Variants in CEP290 observed in about 807,000 individuals in gnomAD.
CEP290 encodes centrosomal protein of 290 kDa.
CEP290 carries 317 observed loss-of-function variants against 344.9 expected under a neutral mutation model. The ratio of observed to expected loss-of-function variants is 0.92; its 90% CI spans 0.84 to 1.01. CEP290 has a LOEUF of 1.01. Ranked by LOEUF, CEP290 falls within the 50% of genes least tolerant of loss-of-function variation. The pLI is 0.00. For synonymous variants in CEP290, 932 were observed against 895.8 expected (o/e 1.04, Z -0.72); for missense variants, 2,754 against 2,761.4 (o/e 1.00, Z 0.06).
intron 45 of CEP290, 37 bp downstream of exon 45, chr12:88,063,944 A>G: frequency 6.5e-7 from 1 of 1,533,502 alleles, no homozygotes; most frequent in South Asian, 1.2e-5. Flanking sequence ...AAGGAGTTTT[A>G]GGCATTAGAT....
Position 88,117,117 on chromosome 12 carries a change from A to G in CEP290, c.1740T>C (p.Thr580=). The change falls in exon 18 of 54, where the codon ACT becomes ACC. Residue 580 remains threonine (T), a synonymous_variant. Coordinates refer to ENST00000552810, the MANE Select transcript of CEP290 (RefSeq NM_025114.4). The part of the protein sequence containing the change: ...SGLTTEDLNL[T]ENISQGDRIS... ...TTCTATCTCCTTGAGAAATGTTTTC[A>G]GTTAGGTTCAGGTCCTCAGTGGTTA... 1 of 1,557,704 alleles carries G rather than the reference A, an allele frequency of 6.4e-7. No individual in the cohort carries two copies. Among genetic ancestry groups the G allele is most frequent in the Non-Finnish European group, 8.7e-7 (1 of 1,147,088 alleles).
At chr12:88,119,972 T>A in intron 15 of CEP290, 142 bp downstream of exon 15, 63 of 448,288 alleles carry the variant, frequency 1.4e-4, no homozygotes, top group East Asian at 2.8e-4. Flanking sequence ...TTAGCTCCAC[T>A]TTTATTTGTA....
intron 36 of CEP290, 101 bp downstream of exon 36, chr12:88,083,746 C>G: frequency 1.3e-6 from 1 of 760,804 alleles, no homozygotes; most frequent in Non-Finnish European, 2.2e-6. Context: ...ATTTTGGCAA[C>G]AAAAAGGGTA....
At position 88,090,762 on chromosome 12, in the gene CEP290, A is replaced by T; in HGVS notation, c.3539T>A (p.Val1180Glu). The T allele has an allele frequency of 6.4e-7, 1 of 1,561,948 alleles. No homozygotes were observed. Among genetic ancestry groups the T allele is most frequent in the Non-Finnish European group, 8.7e-7 (1 of 1,150,870 alleles). Reference protein sequence around the residue: ...NAQQQSRDKEVESLRMQLLDY... With the variant: ...NAQQQSRDKEEESLRMQLLDY... ...TAGCAGTTGCATTCTGAGGGACTCTACTTCCTTGTCCCTAGATTGTTGTTG... is the reference window on the plus strand; with the variant it reads ...TAGCAGTTGCATTCTGAGGGACTCTTCTTCCTTGTCCCTAGATTGTTGTTG... Residue 1180 changes from valine to glutamate, a missense_variant, in exon 30 of 54, where the codon GTA becomes GAA. Coordinates refer to ENST00000552810, the MANE Select transcript of CEP290 (RefSeq NM_025114.4).
intron 11 of CEP290, 77 bp from the exon 12 acceptor site, chr12:88,126,515 C>T (rs1031107078): frequency 1.0e-5 from 10 of 999,142 alleles, no homozygotes; most frequent in African/African-American, 1.7e-5. Flanking sequence ...AAATAATAAA[C>T]ACCGTTAGTA....
At chr12:88,079,001 TTCA>T (rs2035989864) in intron 39 of CEP290, 88 bp downstream of exon 39, 28 of 1,129,414 alleles carry the variant, frequency 2.5e-5, no homozygotes, top group Non-Finnish European at 3.3e-5. Flanking sequence ...AAATTCCCTA[TTCA>T]TCAACAAAAT....
chr12:88,049,310 A>G lies in CEP290; in HGVS notation c.7314T>C (p.Asn2438=), dbSNP rs1555193066. 2.6e-6 allele frequency: 4 copies of G among 1,549,150 alleles called. No individual in the cohort carries two copies. The highest frequency in any genetic ancestry group is 3.4e-5 in the Admixed American group (2 of 59,562). ...KYNYKEEVKK[N]ILLEEKVKKL... Reference sequence around the variant, plus strand: ...TTTTTACCTTCTCTTCTAAGAGAATATTCTTCTTCACTTCTTCCTTGTAAT... The same window carrying G: ...TTTTTACCTTCTCTTCTAAGAGAATGTTCTTCTTCACTTCTTCCTTGTAAT... Residue 2438 remains asparagine, a synonymous_variant, in exon 54 of 54, where the codon AAT becomes AAC. Transcript: ENST00000552810.
chr12:88,118,395 CAA>C, intron 17 of CEP290, 86 bp downstream of exon 17: 1 of 1,091,058 alleles, frequency 9.2e-7, no homozygotes, highest in South Asian at 1.6e-5. Context: ...AATAGAACAG[CAA>C]AAACAGCTAA....
chr12:88,079,044 A>G, intron 39 of CEP290, 48 bp downstream of exon 39: 1 of 1,473,884 alleles, frequency 6.8e-7, no homozygotes, highest in East Asian at 2.5e-5. Context: ...TTCTCTTCCA[A>G]TAGGAATTAT....
intron 13 of CEP290, among the ~76,000 whole-genome samples, chr12:88,122,960 C>A (rs2137956391): frequency 6.6e-6 from 1 of 152,112 alleles, no homozygotes; most frequent in South Asian, 2.1e-4. Context: ...ACCTTGCTCC[C>A]TTGTTCACTG....
chr12:88,074,983 A>G (rs1366157971), intron 41 of CEP290, among the ~76,000 whole-genome samples: 1 of 152,190 alleles, frequency 6.6e-6, no homozygotes, highest in Non-Finnish European at 1.5e-5. Context: ...GAGTTCTGTG[A>G]GCCACTCCAG....
Position 88,131,226 on chromosome 12 carries a change from A to C in CEP290, c.442-8T>G. On this transcript the variant is annotated splice_region_variant and splice_polypyrimidine_tract_variant and intron_variant, in intron 6 of 53. Transcript: ENST00000552810. Reference sequence around the variant, plus strand: ...CTCATTTCGAAGAGCCAACTAAAATAGTAAAAAAAAAAAATAAATAAGAAG... The same window carrying C: ...CTCATTTCGAAGAGCCAACTAAAATCGTAAAAAAAAAAAATAAATAAGAAG... 6.8e-7 allele frequency: 1 copy of C among 1,474,194 alleles called. No homozygotes were observed. Among genetic ancestry groups the C allele is most frequent in the Non-Finnish European group, 9.0e-7 (1 of 1,115,922 alleles). The allele number at this position is 1,474,194 out of a possible 1,614,324, so 91.3% of individuals were successfully genotyped here. A position where few individuals can be genotyped will look rare whatever the true frequency, so the allele number is the denominator to read the frequency against.
intron 9 of CEP290, 108 bp from the exon 10 acceptor site, chr12:88,129,984 A>G: frequency 1.3e-6 from 1 of 744,350 alleles, no homozygotes. Context: ...AAAAAAGAGA[A>G]TTCTTTATAG....
chr12:88,129,788 A>T lies in CEP290; in HGVS notation c.758T>A (p.Met253Lys). 1 of 1,483,806 alleles carries T rather than the reference A, an allele frequency of 6.7e-7. No homozygotes were observed. Among genetic ancestry groups the T allele is most frequent in the Non-Finnish European group, 9.0e-7 (1 of 1,110,366 alleles). The allele number at this position is 1,483,806 out of a possible 1,614,324, so 91.9% of individuals were successfully genotyped here. A position where few individuals can be genotyped will look rare whatever the true frequency, so the allele number is the denominator to read the frequency against. Residue 253 changes from methionine (M) to lysine (K), a missense_variant, in exon 10 of 54, where the codon ATG becomes AAG. Physicochemically the swap from Met to Lys is moderately conservative, Grantham distance 95 (BLOSUM62 -1). Transcript: ENST00000552810. ...LEESVQEMEK[M>K]TDEYNRMKAI... Reference sequence around the variant, plus strand: ...TTTCATTCTATTATATTCATCAGTCATCTTCTCCATTTCCTGTACAGACTC... The same window carrying T: ...TTTCATTCTATTATATTCATCAGTCTTCTTCTCCATTTCCTGTACAGACTC...
intron 32 of CEP290, among the ~76,000 whole-genome samples, 156 bp from the exon 33 acceptor site, chr12:88,086,654 A>G (rs1372315224): frequency 6.6e-6 from 1 of 152,152 alleles, no homozygotes; most frequent in East Asian, 1.9e-4. Context: ...AGAGAGGTGA[A>G]GTAACTTGTG....
At chr12:88,111,611 C>G (rs2038695956) in intron 21 of CEP290, 83 bp downstream of exon 21, 1 of 1,164,148 alleles carries the variant, frequency 8.6e-7, no homozygotes, top group Non-Finnish European at 1.2e-6. Context: ...TCTCATAAAG[C>G]ATTCTTTTTA....
At chr12:88,132,603 GA>G (rs1361283239) in intron 6 of CEP290, among the ~76,000 whole-genome samples, 1 of 152,136 alleles carries the variant, frequency 6.6e-6, no homozygotes, top group Non-Finnish European at 1.5e-5. Flanking sequence ...AAATGTGATT[GA>G]ACAAACAAGA....
intron 26 of CEP290, among the ~76,000 whole-genome samples, chr12:88,101,907 T>G (rs1006687225): frequency 1.3e-5 from 2 of 152,148 alleles, no homozygotes; most frequent in Non-Finnish European, 2.9e-5. Context: ...GAAAGCAAAC[T>G]GATTATGATT....
chr12:88,073,797 A>T (rs2136996592), intron 41 of CEP290, among the ~76,000 whole-genome samples: 1 of 152,252 alleles, frequency 6.6e-6, no homozygotes, highest in East Asian at 1.9e-4. Context: ...ATAAAGCCAA[A>T]TTCTCACTAA....
Sources: gnomAD v4.1 joint callset for allele counts (sites outside exome capture counted in the v4.1 genomes callset) on GRCh38, gnomAD v4.1.1 for gene constraint, MANE v1.5 for transcripts, NCBI Gene and HGNC (gene_info 2026-07-23, HGNC 2026-07-21) for gene names.